The following CACNA2D1 variants were observed in gnomAD, a reference collection of about 807,000 sequenced individuals.
CACNA2D1 encodes the protein voltage-dependent calcium channel subunit alpha-2/delta-1.
A neutral mutation model predicts 171.5 loss-of-function variants in CACNA2D1; 53 were observed. The observed-to-expected ratio is 0.31, with a 90% CI of 0.25 to 0.39. The LOEUF (loss-of-function observed/expected upper bound fraction) is 0.39, where lower values mean the gene tolerates loss of function less well. Ranked by LOEUF, CACNA2D1 falls within the 10% of genes least tolerant of loss-of-function variation. CACNA2D1 has a pLI of 1.00. For synonymous variants in CACNA2D1, 442 were observed against 443.1 expected (o/e 1.00, Z 0.03); for missense variants, 903 against 1,299.8 (o/e 0.69, Z 4.69).
chr7:82,240,456 C>T (rs1334440010), intron 3 of CACNA2D1, among the ~76,000 whole-genome samples: 1 of 152,126 alleles, frequency 6.6e-6, no homozygotes, highest in African/African-American at 2.4e-5. Context: ...GTTTAAAAAA[C>T]TATTAGCCTC....
chr7:82,009,611 C>T (rs568805806), intron 15 of CACNA2D1, among the ~76,000 whole-genome samples: 2 of 152,108 alleles, frequency 1.3e-5, no homozygotes, highest in East Asian at 3.9e-4. Flanking sequence ...ATTTCCTTTG[C>T]ATTACTTTTG....
At chr7:82,354,421 T>A (rs1000047579) in intron 1 of CACNA2D1, among the ~76,000 whole-genome samples, 1 of 152,042 alleles carries the variant, frequency 6.6e-6, no homozygotes, top group Non-Finnish European at 1.5e-5. Context: ...AATTAAGAAA[T>A]AAGTAGAACC....
At chr7:82,197,119 G>A (rs545928634) in intron 3 of CACNA2D1, among the ~76,000 whole-genome samples, 9 of 152,030 alleles carry the variant, frequency 5.9e-5, no homozygotes, top group Admixed American at 3.3e-4. Context: ...AGAAGAAAAT[G>A]TGTCTCCAAG....
intron 6 of CACNA2D1, among the ~76,000 whole-genome samples, chr7:82,100,172 G>GT (rs1812507675): frequency 1.3e-5 from 2 of 152,282 alleles, no homozygotes; most frequent in Admixed American, 1.3e-4. Context: ...ACAGAAAAAA[G>GT]TGAGTTTTTC....
chr7:82,296,176 G>A (rs1238628929), intron 3 of CACNA2D1, among the ~76,000 whole-genome samples: 1 of 151,676 alleles, frequency 6.6e-6, no homozygotes, highest in African/African-American at 2.4e-5. Flanking sequence ...GAGTTAATGG[G>A]TGCAGCACAC....
chr7:82,301,899 G>T (rs538880441), intron 3 of CACNA2D1, among the ~76,000 whole-genome samples: 1 of 151,528 alleles, frequency 6.6e-6, no homozygotes, highest in Admixed American at 6.6e-5. Context: ...CTGGAATTAC[G>T]GGTGCCTGCC....
At chr7:82,405,399 T>G (rs1005564725) in intron 1 of CACNA2D1, among the ~76,000 whole-genome samples, 1 of 152,206 alleles carries the variant, frequency 6.6e-6, no homozygotes, top group Non-Finnish European at 1.5e-5. Flanking sequence ...ATGAGCTAAA[T>G]TTATACCAAT....
intron 3 of CACNA2D1, among the ~76,000 whole-genome samples, chr7:82,274,229 A>G (rs1187425506): frequency 6.6e-6 from 1 of 152,234 alleles, no homozygotes; most frequent in Non-Finnish European, 1.5e-5. Context: ...AGTCACTGAG[A>G]GTATCTTTTG....
At chr7:82,397,330 ATATTTT>A (rs1825846572) in intron 1 of CACNA2D1, among the ~76,000 whole-genome samples, 2 of 152,208 alleles carry the variant, frequency 1.3e-5, no homozygotes, top group South Asian at 4.1e-4. Flanking sequence ...ATCTAAAAAT[ATATTTT>A]TATTTTAATA....
At chr7:82,202,319 C>T (rs1178606440) in intron 3 of CACNA2D1, among the ~76,000 whole-genome samples, 1 of 152,184 alleles carries the variant, frequency 6.6e-6, no homozygotes, top group African/African-American at 2.4e-5. Flanking sequence ...CGTTCACCCA[C>T]TCCCCTCGGT....
chr7:82,304,782 G>A (rs182005381), intron 3 of CACNA2D1, among the ~76,000 whole-genome samples: 1 of 152,148 alleles, frequency 6.6e-6, no homozygotes, highest in East Asian at 1.9e-4. Flanking sequence ...GAAAGAGAAG[G>A]AATGAGTTCT....
At chr7:82,041,066 G>C (rs558767284) in intron 10 of CACNA2D1, among the ~76,000 whole-genome samples, 60 of 152,026 alleles carry the variant, frequency 3.9e-4, no homozygotes, top group African/African-American at 1.4e-3. Flanking sequence ...GGGTGGGGAG[G>C]GCAGAACGAA....
intron 3 of CACNA2D1, among the ~76,000 whole-genome samples, chr7:82,179,683 T>A (rs1796915334): frequency 6.6e-6 from 1 of 152,150 alleles, no homozygotes; most frequent in Non-Finnish European, 1.5e-5. Flanking sequence ...TAAAAACAGC[T>A]CTGCCACTTA....
intron 1 of CACNA2D1, among the ~76,000 whole-genome samples, chr7:82,438,965 T>C (rs2129459754): frequency 6.6e-6 from 1 of 152,314 alleles, no homozygotes; most frequent in Middle Eastern, 3.4e-3. Flanking sequence ...AATGCTTATG[T>C]CCATACATAT....
At chr7:82,125,567 T>G (rs973751871) in intron 5 of CACNA2D1, among the ~76,000 whole-genome samples, 3 of 152,174 alleles carry the variant, frequency 2.0e-5, no homozygotes, top group Non-Finnish European at 4.4e-5. Flanking sequence ...TTTTAACATC[T>G]ACTTTTTCTT....
intron 7 of CACNA2D1, among the ~76,000 whole-genome samples, chr7:82,078,145 G>T (rs1326132718): frequency 2.6e-5 from 4 of 152,046 alleles, no homozygotes; most frequent in Non-Finnish European, 5.9e-5. Context: ...TACACATTAG[G>T]TTCCTTTATT....
chr7:82,017,458 A>T (rs1800638803), intron 12 of CACNA2D1, among the ~76,000 whole-genome samples: 1 of 152,140 alleles, frequency 6.6e-6, no homozygotes, highest in South Asian at 2.1e-4. Context: ...AATTTAAAAG[A>T]ACTTTTGTGT....
intron 1 of CACNA2D1, among the ~76,000 whole-genome samples, chr7:82,385,984 G>A (rs948710913): frequency 1.3e-5 from 2 of 152,036 alleles, no homozygotes; most frequent in Non-Finnish European, 2.9e-5. Context: ...TATATAATAT[G>A]AGCTACATTC....
At chr7:81,986,345 T>C (rs1796966311) in intron 21 of CACNA2D1, among the ~76,000 whole-genome samples, 1 of 151,940 alleles carries the variant, frequency 6.6e-6, no homozygotes, top group South Asian at 2.1e-4. Flanking sequence ...TTTCCAGGCA[T>C]GTGTAGATCC....
Sources: gnomAD v4.1 joint callset for allele counts (sites outside exome capture counted in the v4.1 genomes callset) on GRCh38, gnomAD v4.1.1 for gene constraint, MANE v1.5 for transcripts, NCBI Gene and HGNC (gene_info 2026-07-23, HGNC 2026-07-21) for gene names.